GAS2: variants seen among roughly 807,000 people sequenced by gnomAD.
The protein encoded by GAS2 is growth arrest-specific protein 2.
Under a neutral mutation model 37.5 loss-of-function variants are expected in GAS2, and 20 were observed. The observed-to-expected ratio is 0.53, with a 90% CI of 0.37 to 0.77. The LOEUF (loss-of-function observed/expected upper bound fraction) is 0.77. GAS2 is among the 30% of genes least tolerant of loss of function. GAS2 has a pLI of 0.00. For missense variants in GAS2, 336 were observed against 373.4 expected (o/e 0.90, Z 0.82); for synonymous variants, 144 against 132.2 (o/e 1.09, Z -0.61).
intron 7 of GAS2, among the ~76,000 whole-genome samples, chr11:22,762,210 C>T (rs1854429460): frequency 6.6e-6 from 1 of 152,048 alleles, no homozygotes; most frequent in Non-Finnish European, 1.5e-5. Flanking sequence ...TTCATTTTTA[C>T]CTTCAAATTC....
intron 7 of GAS2, among the ~76,000 whole-genome samples, chr11:22,764,151 T>C (rs1319333800): frequency 1.3e-5 from 2 of 152,210 alleles, no homozygotes; most frequent in African/African-American, 4.8e-5. Flanking sequence ...TAATGTGTTT[T>C]TTTCTGAGAG....
At chr11:22,691,466 C>A (rs1283490084) in intron 3 of GAS2, among the ~76,000 whole-genome samples, 2 of 152,004 alleles carry the variant, frequency 1.3e-5, no homozygotes, top group Non-Finnish European at 2.9e-5. Context: ...GATCTCTCTG[C>A]CAGAACAAGA....
intron 5 of GAS2, among the ~76,000 whole-genome samples, chr11:22,741,735 A>G (rs1005886436): frequency 1.3e-5 from 2 of 152,188 alleles, no homozygotes; most frequent in African/African-American, 4.8e-5. Flanking sequence ...TGCTGAGAAC[A>G]TCATATACTT....
chr11:22,787,186 G>T (rs1278162615), intron 7 of GAS2, among the ~76,000 whole-genome samples: 2 of 152,134 alleles, frequency 1.3e-5, no homozygotes, highest in Admixed American at 1.3e-4. Context: ...TCCCAGACTT[G>T]GAGTTTTCTG....
intron 1 of GAS2, among the ~76,000 whole-genome samples, chr11:22,647,570 C>G (rs983331816): frequency 4.6e-5 from 7 of 152,306 alleles, no homozygotes; most frequent in African/African-American, 1.4e-4. Flanking sequence ...TTCTCCGCAT[C>G]CTCTCCAGCA....
intron 5 of GAS2, among the ~76,000 whole-genome samples, chr11:22,739,829 C>T (rs534996082): frequency 1.3e-5 from 2 of 151,934 alleles, no homozygotes; most frequent in African/African-American, 4.8e-5. Context: ...ATCAGATAAG[C>T]CTCTTGCTTC....
chr11:22,781,195 C>T (rs1052124848), intron 7 of GAS2, among the ~76,000 whole-genome samples: 1 of 152,198 alleles, frequency 6.6e-6, no homozygotes, highest in South Asian at 2.1e-4. Context: ...CTACAGACAT[C>T]CTGTGGTCCA....
rs147065423 is a variant in GAS2 at position 22,645,405 on chromosome 11, G to T, written c.-21+19592G>T. Among the ~76,000 whole-genome samples, 425 of 152,142 alleles carry T rather than the reference G, an allele frequency of 2.8e-3. 2 individuals carry two copies. Among genetic ancestry groups the T allele is most frequent in the African/African-American group, 9.8e-3 (407 of 41,504 alleles). ...CGCCTGTAGCCCAGCTACTCAGGAG[G>T]CTGAGGCACTAGAATCGCTTGAACC... On this transcript the variant is annotated intron_variant, in intron 1 of 5. Transcript: ENST00000528582.
At position 22,658,894 on chromosome 11, in the gene GAS2, G is replaced by A. The variant is rs1045150732; in HGVS notation, c.-20-15956G>A. ...CCATAAATCTGAATGTTGAAATTAC[G>A]AAAGCCCAATTGTGGGGATGAGATT... On this transcript the variant is annotated intron_variant, in intron 1 of 5. Coordinates refer to the GAS2 transcript ENST00000528582. Among the ~76,000 whole-genome samples the A allele has an allele frequency of 7.2e-5, 11 of 152,306 alleles. No individual in the cohort carries two copies. In the East Asian group the frequency reaches 1.2e-3, roughly 16 times the overall value.
chr11:22,725,152 G>A (rs924613338), intron 3 of GAS2, among the ~76,000 whole-genome samples: 15 of 152,010 alleles, frequency 9.9e-5, no homozygotes, highest in Non-Finnish European at 2.1e-4. Flanking sequence ...GAATGTCATG[G>A]AAATAATTTA....
chr11:22,756,178 A>G (rs751503375), intron 7 of GAS2, among the ~76,000 whole-genome samples: 4 of 152,126 alleles, frequency 2.6e-5, no homozygotes, highest in Non-Finnish European at 5.9e-5. Context: ...CAAAGACACC[A>G]TGGAGATCAA....
chr11:22,758,785 T>A (rs765477243), intron 7 of GAS2, among the ~76,000 whole-genome samples: 4 of 151,910 alleles, frequency 2.6e-5, no homozygotes, highest in Non-Finnish European at 4.4e-5. Context: ...TGGTGGCGCA[T>A]GCCTGTATTT....
intron 3 of GAS2, among the ~76,000 whole-genome samples, chr11:22,695,641 A>G (rs1286700996): frequency 1.3e-5 from 2 of 152,202 alleles, no homozygotes; most frequent in African/African-American, 4.8e-5. Context: ...AATGCAAGTC[A>G]TATTATTCTG....
At chr11:22,782,393 CTG>C (rs2134498959) in intron 7 of GAS2, among the ~76,000 whole-genome samples, 1 of 152,124 alleles carries the variant, frequency 6.6e-6, no homozygotes, top group South Asian at 2.1e-4. Context: ...TTGGAAAGTA[CTG>C]TGTTTTTTCT....
At chr11:22,695,606 T>C (rs981545433) in intron 3 of GAS2, among the ~76,000 whole-genome samples, 1 of 152,176 alleles carries the variant, frequency 6.6e-6, no homozygotes. Context: ...GACAGGATTT[T>C]AGCAAAGGAC....
Position 22,637,856 on chromosome 11 carries a change from T to C in GAS2, c.-21+12043T>C, listed in dbSNP as rs111784290. On this transcript the variant is annotated intron_variant, in intron 1 of 5. Transcript: ENST00000528582. ...TTGAAGCCCAAAGCTGCCACAGATA[T>C]CTCCTTCCCCAAACCAAGAAAATCT... 7.2e-3 allele frequency among the ~76,000 whole-genome samples: 1,084 copies of C among 150,084 alleles called. 6 individuals carry two copies. The highest frequency in any genetic ancestry group is 0.014 in the Middle Eastern group (4 of 284).
intron 1 of GAS2, among the ~76,000 whole-genome samples, chr11:22,644,161 A>G (rs1565063619): frequency 6.6e-6 from 1 of 152,172 alleles, no homozygotes; most frequent in Non-Finnish European, 1.5e-5. Context: ...TTCACTAAGT[A>G]GCAATTATGA....
chr11:22,737,795 A>G lies in GAS2; in HGVS notation c.473+27A>G, dbSNP rs1565118441. On this transcript the variant is annotated intron_variant, in intron 5 of 7. Coordinates refer to ENST00000454584, the MANE Select transcript of GAS2 (RefSeq NM_001143830.3). ...TAGGTCAAACCACTGCAACTATGTC[A>G]AGACATTGACGATTTCAGCATCCAA... The G allele has an allele frequency of 1.9e-6, 3 of 1,606,346 alleles. No homozygotes were observed. In the South Asian group the frequency reaches 3.3e-5, roughly 18 times the overall value.
intron 1 of GAS2, among the ~76,000 whole-genome samples, chr11:22,641,218 A>ATATATATG (rs1471968085): frequency 4.2e-5 from 6 of 142,196 alleles, no homozygotes; most frequent in East Asian, 2.0e-4. Flanking sequence ...ATATATATAT[A>ATATATATG]TGTGTGTGTG....
Sources: gnomAD v4.1 joint callset for allele counts (sites outside exome capture counted in the v4.1 genomes callset) on GRCh38, gnomAD v4.1.1 for gene constraint, MANE v1.5 for transcripts, NCBI Gene and HGNC (gene_info 2026-07-23, HGNC 2026-07-21) for gene names.